Variants in RNF220 observed in about 807,000 individuals in gnomAD.
The protein encoded by RNF220 is E3 ubiquitin-protein ligase RNF220.
Under a neutral mutation model 67.1 loss-of-function variants are expected in RNF220, and 7 were observed. The ratio of observed to expected loss-of-function variants is 0.10; its 90% CI spans 0.06 to 0.20. The LOEUF (loss-of-function observed/expected upper bound fraction) is 0.20. Ranked by LOEUF, RNF220 falls within the 10% of genes least tolerant of loss-of-function variation. The probability of loss-of-function intolerance (pLI) is 1.00; values close to 1 mark genes in which losing one functional copy is unlikely to be tolerated. For synonymous variants in RNF220, 270 were observed against 283.2 expected (o/e 0.95, Z 0.47); for missense variants, 565 against 740.3 (o/e 0.76, Z 2.75).
chr1:44,419,258 A>G (rs1431187336), intron 2 of RNF220: 1 of 152,238 alleles, frequency 6.6e-6, no homozygotes, highest in Non-Finnish European at 1.5e-5. Flanking sequence ...GTAACTTCAC[A>G]TGTGTGCTAC....
rs964676138 is a variant in RNF220 at position 44,622,685 on chromosome 1, G to A, written c.759-57G>A. ...TTTGGGGTCTTCTTGCTACTCTACC[G>A]TTGCATGCCCTGGGCAGCAGGTAGA... On this transcript the variant is annotated intron_variant, in intron 3 of 14. Transcript: ENST00000361799. This position sits in a 1 kb window ranked among gnomAD's most constrained non-coding sequence, Gnocchi z 4.3. 2.4e-5 allele frequency: 36 copies of A among 1,506,698 alleles called. No individual in the cohort carries two copies. Among genetic ancestry groups the A allele is most frequent in the Middle Eastern group, 3.4e-4 (2 of 5,866 alleles). 93.3% of individuals were successfully genotyped at this position (1,506,698 alleles called of 1,614,324 possible).
In RNF220 at chr1:44,565,547, A is replaced by G. The variant is rs1278439579; in HGVS notation, c.626-48618A>G. 6.6e-6 allele frequency among the ~76,000 whole-genome samples: 1 copy of G among 152,208 alleles called. No individual in the cohort carries two copies. Among genetic ancestry groups the G allele is most frequent in the Non-Finnish European group, 1.5e-5 (1 of 68,034 alleles). The stretch of plus-strand genomic sequence containing the variant: ...TCAGCGCTAATGCCCCCAGCCTAAC[A>G]CAATTACCCCTTCCTTCTCCCTCAG... On this transcript the variant is annotated intron_variant, in intron 2 of 14. Transcript: ENST00000361799. The surrounding 1 kb of genome is among the most constrained non-coding windows in gnomAD (Gnocchi z 4.2).
At chr1:44,524,972 GAAAAGAGA>G (rs1660250200) in intron 2 of RNF220, among the ~76,000 whole-genome samples, 2 of 149,688 alleles carry the variant, frequency 1.3e-5, no homozygotes, top group Admixed American at 1.3e-4. Flanking sequence ...TGAAAAAAAG[GAAAAGAGA>G]AAAAGAGAAA....
chr1:44,513,758 G>A (rs373070451), intron 2 of RNF220, among the ~76,000 whole-genome samples: 2 of 152,142 alleles, frequency 1.3e-5, no homozygotes, highest in East Asian at 3.9e-4. Context: ...TTCCCCCCAG[G>A]GCATGTTTCA....
In RNF220 at chr1:44,418,811, T is replaced by C. The variant is rs576699893; in HGVS notation, c.625+6089T>C. ...ACTACATCCATCTGGTTAATAAATA[T>C]TGGCACACATTGAAATGTATTCTTT... On this transcript the variant is annotated intron_variant, in intron 2 of 14. Transcript: ENST00000361799. 3.3e-5 allele frequency among the ~76,000 whole-genome samples: 5 copies of C among 152,342 alleles called. No individual in the cohort carries two copies. In the East Asian group the frequency reaches 9.6e-4, roughly 29 times the overall value.
At chr1:44,448,942 T>C (rs777970033) in intron 2 of RNF220, among the ~76,000 whole-genome samples, 1 of 152,254 alleles carries the variant, frequency 6.6e-6, no homozygotes, top group Non-Finnish European at 1.5e-5. Context: ...CACTGCTCTC[T>C]CCTAGGCTTG....
intron 2 of RNF220, among the ~76,000 whole-genome samples, chr1:44,547,766 A>G (rs1662287346): frequency 6.6e-6 from 1 of 152,000 alleles, no homozygotes; most frequent in Admixed American, 6.5e-5. Context: ...AGACATCTCA[A>G]AATTCAATCC....
intron 3 of RNF220, among the ~76,000 whole-genome samples, chr1:44,614,727 A>G (rs373440): frequency 0.86 from 130,311 of 152,090 alleles, 57,490 homozygotes; most frequent in Non-Finnish European, 0.96. Flanking sequence ...AAAGATGACA[A>G]TCTTAAGAAT....
chr1:44,543,708 A>G (rs929811938), intron 2 of RNF220, among the ~76,000 whole-genome samples: 2 of 152,108 alleles, frequency 1.3e-5, no homozygotes, highest in Admixed American at 1.3e-4. Flanking sequence ...AAAAAAATAC[A>G]TGCAAGCATT....
At position 44,605,675 on chromosome 1, in the gene RNF220, A is replaced by C. The variant is rs575308161; in HGVS notation, c.626-8490A>C. On this transcript the variant is annotated intron_variant, in intron 2 of 14. Transcript: ENST00000361799. ...GTAGCACAAGAGGCTTCGGGAACAC[A>C]GAGGAGGCACCCAATACAGTCTGGA... is the stretch of plus-strand genomic sequence containing the variant. Among the ~76,000 whole-genome samples the C allele has an allele frequency of 1.9e-3, 297 of 152,314 alleles. 1 individual carries two copies. Among genetic ancestry groups the C allele is most frequent in the Non-Finnish European group, 3.4e-3 (232 of 68,020 alleles).
At chr1:44,558,645 CA>C (rs1285418849) in intron 2 of RNF220, among the ~76,000 whole-genome samples, 6 of 152,160 alleles carry the variant, frequency 3.9e-5, no homozygotes, top group Non-Finnish European at 8.8e-5. Context: ...ATAAATGAAG[CA>C]GAGAGGTTAA....
chr1:44,580,971 G>A (rs1275013421), intron 2 of RNF220, among the ~76,000 whole-genome samples: 1 of 152,214 alleles, frequency 6.6e-6, no homozygotes. Context: ...AGCAGGAAGT[G>A]GAGTCAAGGC....
intron 2 of RNF220, among the ~76,000 whole-genome samples, chr1:44,432,593 T>C (rs1650508020): frequency 1.3e-5 from 2 of 151,918 alleles, no homozygotes; most frequent in East Asian, 1.9e-4. Context: ...AGAAGCAGGG[T>C]CTTGCTATGT....
At position 44,645,524 on chromosome 1, in the gene RNF220, A is replaced by G; in HGVS notation, c.1445+36A>G. 1 of 1,601,172 alleles carries G rather than the reference A, an allele frequency of 6.2e-7. No individual in the cohort carries two copies. The highest frequency in any genetic ancestry group is 2.2e-5 in the East Asian group (1 of 44,616). Reference sequence around the variant, plus strand: ...GGCCAGGAGAGAGCCCTGGGACCACAGTTCAGTGGGAGGAGGGGCCCTTTG... The same window carrying G: ...GGCCAGGAGAGAGCCCTGGGACCACGGTTCAGTGGGAGGAGGGGCCCTTTG... On this transcript the variant is annotated intron_variant, in intron 12 of 14. Coordinates refer to ENST00000361799, the MANE Select transcript of RNF220 (RefSeq NM_018150.4). The surrounding 1 kb of genome is among the most constrained non-coding windows in gnomAD (Gnocchi z 5.0).
intron 2 of RNF220, among the ~76,000 whole-genome samples, chr1:44,497,274 A>G (rs1657421277): frequency 6.6e-6 from 1 of 152,036 alleles, no homozygotes; most frequent in Non-Finnish European, 1.5e-5. Flanking sequence ...CCCACAGTCC[A>G]GATACTTTCA....
intron 2 of RNF220, among the ~76,000 whole-genome samples, chr1:44,439,690 C>G (rs1010090329): frequency 3.3e-5 from 5 of 151,968 alleles, no homozygotes; most frequent in African/African-American, 1.2e-4. Context: ...GCTGTAAGGC[C>G]ACTTCTAATG....
intron 2 of RNF220, among the ~76,000 whole-genome samples, chr1:44,601,590 A>G (rs953562511): frequency 2.0e-5 from 3 of 152,170 alleles, no homozygotes; most frequent in Non-Finnish European, 4.4e-5. Context: ...CTGAAACTGG[A>G]GGGAACAGGG....
rs1648681991 is a variant in RNF220, at chr1:44,417,570, A to C, written c.625+4848A>C. ...CTCTGTGCGGCGGCTGCCTCCTCTTACGGCCGGAATGCCTAATCACCATGG... is the reference window on the plus strand; with the variant it reads ...CTCTGTGCGGCGGCTGCCTCCTCTTCCGGCCGGAATGCCTAATCACCATGG... On this transcript the variant is annotated intron_variant, in intron 2 of 14. Transcript: ENST00000361799. This position sits in a 1 kb window ranked among gnomAD's most constrained non-coding sequence, Gnocchi z 4.0. Among the ~76,000 whole-genome samples the C allele has an allele frequency of 6.6e-6, 1 of 151,984 alleles. No individual in the cohort carries two copies. Among genetic ancestry groups the C allele is most frequent in the Admixed American group, 6.6e-5 (1 of 15,266 alleles).
chr1:44,632,449 C>A, intron 6 of RNF220, 64 bp downstream of exon 6: 1 of 1,467,478 alleles, frequency 6.8e-7, no homozygotes, highest in Non-Finnish European at 9.3e-7. Flanking sequence ...CCCTCACTGC[C>A]TGCCGCTCCT....
Sources: gnomAD v4.1 joint callset for allele counts (sites outside exome capture counted in the v4.1 genomes callset) on GRCh38, gnomAD v4.1.1 for gene constraint, Gnocchi (gnomAD v3.1) non-coding constraint, MANE v1.5 for transcripts, NCBI Gene and HGNC (gene_info 2026-07-23, HGNC 2026-07-21) for gene names.